The following HERC2 variants were observed in gnomAD, a reference collection of about 807,000 sequenced individuals.
The protein encoded by HERC2 is E3 ubiquitin-protein ligase HERC2.
In HERC2, 102 loss-of-function variants were observed where a neutral mutation model predicts 537.7. That is an observed-to-expected ratio of 0.19 (90% CI 0.16 to 0.22). The LOEUF (loss-of-function observed/expected upper bound fraction) is 0.22, where lower values mean the gene tolerates loss of function less well. Among genes scored for constraint, HERC2 ranks in the 10% least tolerant of loss-of-function variants. The pLI is 1.00. For missense variants in HERC2, 4,236 were observed against 6,198.2 expected (o/e 0.68, Z 10.63); for synonymous variants, 2,224 against 2,466.2 (o/e 0.90, Z 2.91).
chr15:28,178,324 CCACAAAGGTGGA>C (rs745848340), intron 59 of HERC2, among the ~76,000 whole-genome samples: 88 of 152,342 alleles, frequency 5.8e-4, no homozygotes, highest in Non-Finnish European at 8.4e-4. Context: ...GACCATCTTC[CCACAAAGGTGGA>C]CACAAAGGAC....
At chr15:28,278,189 C>T (rs1284488460) in intron 5 of HERC2, among the ~76,000 whole-genome samples, 4 of 151,972 alleles carry the variant, frequency 2.6e-5, no homozygotes, top group Non-Finnish European at 5.9e-5. Context: ...TCGAGGCCAG[C>T]CTGGGCAACA....
chr15:28,299,617 C>G lies in HERC2; in HGVS notation c.73-101G>C, dbSNP rs954273904. The G allele has an allele frequency of 1.8e-5, 11 of 625,970 alleles. No individual in the cohort carries two copies. In the Admixed American group the frequency reaches 3.1e-4, roughly 17 times the overall value. The allele number at this position is 625,970 out of a possible 1,614,324, so 38.8% of individuals were successfully genotyped here. ...AAAATCTCAATCCCCCTTATGTATTCGATCATTTGGTAATAAAATCAATGA... is the reference window on the plus strand; with the variant it reads ...AAAATCTCAATCCCCCTTATGTATTGGATCATTTGGTAATAAAATCAATGA... On this transcript the variant is annotated intron_variant, in intron 2 of 92. Coordinates refer to ENST00000261609, the MANE Select transcript of HERC2 (RefSeq NM_004667.6).
At position 28,176,424 on chromosome 15, in the gene HERC2, G is replaced by A. The variant is rs781375644; in HGVS notation, c.9686+4C>T. ...ACAGTGTGACAGGGAGGACGTTTACGTACCATGTCCACACCACTCCAGACT... is the reference window on the plus strand; with the variant it reads ...ACAGTGTGACAGGGAGGACGTTTACATACCATGTCCACACCACTCCAGACT... On this transcript the variant is annotated splice_donor_region_variant and intron_variant, in intron 63 of 92. Coordinates refer to ENST00000261609, the MANE Select transcript of HERC2 (RefSeq NM_004667.6). The surrounding 1 kb of genome is among the most constrained non-coding windows in gnomAD (Gnocchi z 5.0). The A allele has an allele frequency of 6.8e-6, 11 of 1,613,676 alleles. No individual in the cohort carries two copies. Among genetic ancestry groups the A allele is most frequent in the African/African-American group, 1.3e-5 (1 of 74,914 alleles).
At chr15:28,130,617 T>C (rs771933909) in intron 81 of HERC2, 23 bp from the exon 82 acceptor site, 56 of 1,528,126 alleles carry the variant, frequency 3.7e-5, no homozygotes, top group African/African-American at 5.5e-5. Flanking sequence ...AAGGTTCAAT[T>C]AGACAGACAG....
At chr15:28,316,338 G>A (rs1326849662) in intron 2 of HERC2, among the ~76,000 whole-genome samples, 2 of 149,040 alleles carry the variant, frequency 1.3e-5, no homozygotes, top group Non-Finnish European at 3.0e-5. Context: ...AAAGTTAAAA[G>A]TTAGTTCTTT....
At position 28,272,215 on chromosome 15, in the gene HERC2, G is replaced by A. The variant is rs142059352; in HGVS notation, c.1083C>T (p.His361=). ...KDAPHSEGDM[H]LLSGPLSPNE... ...CACAAAGTTCCATCATGACACTCAC[G>A]TGCATGTCGCCCTCGGAGTGGGGTG... is the stretch of plus-strand genomic sequence containing the variant. Residue 361 remains histidine, a splice_region_variant and synonymous_variant, in exon 9 of 93, where the codon CAC becomes CAT. Coordinates refer to ENST00000261609, the MANE Select transcript of HERC2 (RefSeq NM_004667.6). 1.5e-5 allele frequency: 24 copies of A among 1,591,766 alleles called. No individual in the cohort carries two copies. Among genetic ancestry groups the A allele is most frequent in the Middle Eastern group, 2.0e-4 (1 of 4,924 alleles).
chr15:28,207,019 A>G (rs543768396), intron 44 of HERC2, among the ~76,000 whole-genome samples: 1 of 151,748 alleles, frequency 6.6e-6, no homozygotes, highest in South Asian at 2.1e-4. Flanking sequence ...CAAAACAAAA[A>G]AAAAAAAACT....
chr15:28,268,328 G>A lies in HERC2; in HGVS notation c.1598+137C>T, dbSNP rs868053021. ...GCCATCACCAAGGAGGAGGCATATCGTAGTGTCCTGCTCCATCCCAGCGCT... is the reference window on the plus strand; with the variant it reads ...GCCATCACCAAGGAGGAGGCATATCATAGTGTCCTGCTCCATCCCAGCGCT... On this transcript the variant is annotated intron_variant, in intron 12 of 92. Transcript: ENST00000261609. This position sits in a 1 kb window ranked among gnomAD's most constrained non-coding sequence, Gnocchi z 4.7. 3 of 696,098 alleles carry A rather than the reference G, an allele frequency of 4.3e-6. No individual in the cohort carries two copies. Among genetic ancestry groups the A allele is most frequent in the Non-Finnish European group, 7.0e-6 (3 of 430,304 alleles). 43.1% of individuals were successfully genotyped at this position (696,098 alleles called of 1,614,324 possible). A position where few individuals can be genotyped will look rare whatever the true frequency, so the allele number is the denominator to read the frequency against.
intron 7 of HERC2, among the ~76,000 whole-genome samples, chr15:28,274,083 A>T (rs945003772): frequency 6.6e-6 from 1 of 152,216 alleles, no homozygotes; most frequent in African/African-American, 2.4e-5. Context: ...ATTTAGTATC[A>T]CAGCTTCCTG....
Position 28,124,110 on chromosome 15 carries a change from G to A in HERC2, c.13115C>T (p.Ser4372Leu), listed in dbSNP as rs371676185. 4.5e-5 allele frequency: 72 copies of A among 1,607,272 alleles called. No homozygotes were observed. The highest frequency in any genetic ancestry group is 6.8e-5 in the East Asian group (3 of 44,196). Residue 4372 changes from serine to leucine, a missense_variant, in exon 85 of 93, where the codon TCG becomes TTG. Physicochemically the swap from Ser to Leu is moderately radical, Grantham distance 145 (BLOSUM62 -2). Around this residue, in one of 27 missense-constraint regions of HERC2, gnomAD observed 189 missense variants for 255.7 expected, o/e 0.74. Coordinates refer to ENST00000261609, the MANE Select transcript of HERC2 (RefSeq NM_004667.6). ...AGGCCCGAGTCCAGTTTCGTCGAGC[G>A]AGCCTTCCAGGTCGAACATGGGGAT... ...PCIPMFDLEG[S>L]LDETGLGPSV... is the part of the protein sequence containing the mutation.
At position 28,192,027 on chromosome 15, in the gene HERC2, C is replaced by T. The variant is rs1005112246; in HGVS notation, c.8385G>A (p.Val2795=). The change falls in exon 53 of 93, where the codon GTG becomes GTA. Residue 2795 remains valine, a synonymous_variant. Transcript: ENST00000261609. ...CGTCAATGAGACGGGATGCCTGGTTCACGGAGGACGACACATTCAGGCTCT... is the reference window on the plus strand; with the variant it reads ...CGTCAATGAGACGGGATGCCTGGTTTACGGAGGACGACACATTCAGGCTCT... ...MVKSLNVSSS[V]NQASRLIDGS... The T allele has an allele frequency of 5.0e-6, 8 of 1,613,932 alleles. No homozygotes were observed. The African/African-American group carries it at 8.0e-5, about 16-fold the overall frequency.
At chr15:28,168,332 A>G (rs1251145051) in intron 67 of HERC2, 75 bp downstream of exon 67, 22 of 1,421,568 alleles carry the variant, frequency 1.5e-5, no homozygotes, top group Non-Finnish European at 2.0e-5. Context: ...ACTAAATGAC[A>G]CAATGAGACT....
rs1241077853 is a variant in HERC2 at position 28,111,592 on chromosome 15, C to A, written c.*171G>T. On this transcript the variant is annotated 3_prime_UTR_variant, in exon 93 of 93. Coordinates refer to ENST00000261609, the MANE Select transcript of HERC2 (RefSeq NM_004667.6). ...ACAGTGTTCCACGCGCACAGGCGGACCTTCTCACTGTCATTCCCATCACGG... is the reference window on the plus strand; with the variant it reads ...ACAGTGTTCCACGCGCACAGGCGGAACTTCTCACTGTCATTCCCATCACGG... 15 of 666,554 alleles carry A rather than the reference C, an allele frequency of 2.3e-5. No homozygotes were observed. The African/African-American group carries it at 2.5e-4, about 11-fold the overall frequency. 41.3% of individuals were successfully genotyped at this position (666,554 alleles called of 1,614,324 possible).
rs940887182 is a variant in HERC2, at chr15:28,144,791, G to A, written c.11022C>T (p.Ser3674=). 1.4e-5 allele frequency: 22 copies of A among 1,614,146 alleles called. No homozygotes were observed. Among genetic ancestry groups the A allele is most frequent in the Admixed American group, 1.7e-5 (1 of 60,024 alleles). ...IVSVRSGREW[S]DWSSELRIPG... is the part of the protein sequence containing the mutation. ...GGATGCGCAGCTCGCTGGACCAGTC[G>A]GACCACTCTCGGCCTGCGGGAGGAA... The change falls in exon 72 of 93, where the codon TCC becomes TCT. Residue 3674 remains serine, a synonymous_variant. Transcript: ENST00000261609.
chr15:28,245,114 C>A (rs1903526594), intron 23 of HERC2, among the ~76,000 whole-genome samples: 1 of 152,190 alleles, frequency 6.6e-6, no homozygotes, highest in Non-Finnish European at 1.5e-5. Context: ...TCTGGAGAGT[C>A]TTCCCATTAT....
At chr15:28,161,515 A>G (rs375179806) in intron 69 of HERC2, among the ~76,000 whole-genome samples, 18 of 152,166 alleles carry the variant, frequency 1.2e-4, no homozygotes, top group African/African-American at 3.9e-4. Flanking sequence ...GGCCTTTACG[A>G]CTGATCAGTC....
At chr15:28,281,437 A>C (rs2076017391) in intron 4 of HERC2, among the ~76,000 whole-genome samples, 1 of 152,184 alleles carries the variant, frequency 6.6e-6, no homozygotes, top group Non-Finnish European at 1.5e-5. Flanking sequence ...GGAGGCCAGC[A>C]GCCACCAGCC....
chr15:28,320,588 C>T (rs1388839902), intron 2 of HERC2: 2 of 152,016 alleles, frequency 1.3e-5, no homozygotes, highest in Non-Finnish European at 2.9e-5. Context: ...TTACTTAATA[C>T]TTAAAATGGT....
At chr15:28,217,424 A>G (rs1043139926) in intron 38 of HERC2, among the ~76,000 whole-genome samples, 1 of 151,468 alleles carries the variant, frequency 6.6e-6, no homozygotes, top group Non-Finnish European at 1.5e-5. Flanking sequence ...TAACACACTC[A>G]CTCTCATCAA....
Sources: gnomAD v4.1 joint callset for allele counts (sites outside exome capture counted in the v4.1 genomes callset) on GRCh38, gnomAD v4.1.1 for gene constraint, gnomAD v4.1.1 regional missense constraint, Gnocchi (gnomAD v3.1) non-coding constraint, MANE v1.5 for transcripts, NCBI Gene and HGNC (gene_info 2026-07-23, HGNC 2026-07-21) for gene names.